The following KIRREL3 variants were observed in gnomAD, a reference collection of about 807,000 sequenced individuals.
KIRREL3 encodes kin of IRRE-like protein 3.
A neutral mutation model predicts 89.7 loss-of-function variants in KIRREL3; 36 were observed. The ratio of observed to expected loss-of-function variants is 0.40; its 90% confidence interval spans 0.31 to 0.53. The LOEUF is 0.53. Ranked by LOEUF, KIRREL3 falls within the 20% of genes least tolerant of loss-of-function variation. The pLI is 0.49. For missense variants in KIRREL3, 864 were observed against 1,056.6 expected (o/e 0.82, Z 2.53); for synonymous variants, 445 against 441.4 (o/e 1.01, Z -0.10).
In KIRREL3 at chr11:126,492,354, AC is replaced by A. The variant is rs1304616489; in HGVS notation, c.434-18889del. ...GAGGTGGATGTGACAAGGTGACATG[AC>A]CCTAAGGCAGGGGGATGGACCTGGT... On this transcript the variant is annotated intron_variant, in intron 4 of 16. Transcript: ENST00000525144. The surrounding 1 kb of genome is among the most constrained non-coding windows in gnomAD (Gnocchi z 4.8). 5.9e-5 allele frequency among the ~76,000 whole-genome samples: 9 copies of A among 152,136 alleles called. No homozygotes were observed. In the East Asian group the frequency reaches 1.8e-3, roughly 30 times the overall value.
At position 126,715,250 on chromosome 11, in the gene KIRREL3, T is replaced by C. The variant is rs1947912310; in HGVS notation, c.56-152338A>G. On this transcript the variant is annotated intron_variant, in intron 1 of 16. Coordinates refer to ENST00000525144, the MANE Select transcript of KIRREL3 (RefSeq NM_032531.4). The surrounding 1 kb of genome is among the most constrained non-coding windows in gnomAD (Gnocchi z 4.4). ...TCTTGAGCTACTCAGGCTATCCCCA[T>C]CTATTTTGTGGGGGAAGAAAACTAT... 6.6e-6 allele frequency among the ~76,000 whole-genome samples: 1 copy of C among 152,184 alleles called. No homozygotes were observed. The highest frequency in any genetic ancestry group is 2.4e-5 in the African/African-American group (1 of 41,446).
intron 2 of KIRREL3, among the ~76,000 whole-genome samples, chr11:126,532,596 G>A (rs12273645): frequency 0.015 from 2,240 of 152,136 alleles, 56 homozygotes; most frequent in African/African-American, 0.051. Context: ...GACTGGTGTC[G>A]AACTCCTGAC....
At chr11:126,644,161 A>G (rs1367706343) in intron 1 of KIRREL3, among the ~76,000 whole-genome samples, 2 of 152,224 alleles carry the variant, frequency 1.3e-5, no homozygotes, top group East Asian at 1.9e-4. Flanking sequence ...GGGGACTAGC[A>G]TGGTAGATTG....
Position 126,948,219 on chromosome 11 carries a change from A to T in KIRREL3, c.55+52236T>A, listed in dbSNP as rs552109155. Among the ~76,000 whole-genome samples, 2 of 152,296 alleles carry T rather than the reference A, an allele frequency of 1.3e-5. No homozygotes were observed. The highest frequency in any genetic ancestry group is 4.8e-5 in the African/African-American group (2 of 41,558). On this transcript the variant is annotated intron_variant, in intron 1 of 16. Transcript: ENST00000525144. This position sits in a 1 kb window ranked among gnomAD's most constrained non-coding sequence, Gnocchi z 4.5. ...CTTGATGTCTTTCTCCTTTGATTTA[A>T]TAAGAAACCAATTCTATATTATTGA...
rs1188511367 is a variant in KIRREL3, at chr11:126,530,362, G to A, written c.134-3675C>T. Among the ~76,000 whole-genome samples the A allele has an allele frequency of 6.6e-6, 1 of 152,156 alleles. No homozygotes were observed. The highest frequency in any genetic ancestry group is 1.5e-5 in the Non-Finnish European group (1 of 68,028). ...AGCCTCCTGAAGTGCTGGGATTACA[G>A]GCATGAGCCACCATGCCTGGCCTCT... On this transcript the variant is annotated intron_variant, in intron 2 of 16. Coordinates refer to ENST00000525144, the MANE Select transcript of KIRREL3 (RefSeq NM_032531.4). This position sits in a 1 kb window ranked among gnomAD's most constrained non-coding sequence, Gnocchi z 5.8.
Position 126,607,379 on chromosome 11 carries a change from T to C in KIRREL3, c.56-44467A>G, listed in dbSNP as rs143751866. On this transcript the variant is annotated intron_variant, in intron 1 of 16. Transcript: ENST00000525144. The surrounding 1 kb of genome is among the most constrained non-coding windows in gnomAD (Gnocchi z 6.6). ...TAATGTGAATATGAGTACTCTTGGC[T>C]GGGAGAGGAAGGGCTGGAGGAGAGA... 4.6e-5 allele frequency among the ~76,000 whole-genome samples: 7 copies of C among 152,162 alleles called. No individual in the cohort carries two copies. Among genetic ancestry groups the C allele is most frequent in the Non-Finnish European group, 8.8e-5 (6 of 68,008 alleles).
At position 126,528,474 on chromosome 11, in the gene KIRREL3, G is replaced by A. The variant is rs1958832444; in HGVS notation, c.134-1787C>T. Among the ~76,000 whole-genome samples the A allele has an allele frequency of 6.6e-6, 1 of 152,222 alleles. No homozygotes were observed. Among genetic ancestry groups the A allele is most frequent in the Admixed American group, 6.5e-5 (1 of 15,286 alleles). ...ACAGTGGAGAGCTGGGGACAGGCAG[G>A]AAGGTGGCCGAGTTCACAACCTGAC... On this transcript the variant is annotated intron_variant, in intron 2 of 16. Transcript: ENST00000525144. This position sits in a 1 kb window ranked among gnomAD's most constrained non-coding sequence, Gnocchi z 4.6.
At chr11:126,590,460 T>C (rs1007647486) in intron 1 of KIRREL3, among the ~76,000 whole-genome samples, 1 of 152,204 alleles carries the variant, frequency 6.6e-6, no homozygotes, top group Non-Finnish European at 1.5e-5. Context: ...GCAGACCTTT[T>C]GTGTGGCTGA....
At chr11:126,821,928 G>A (rs1943240251) in intron 1 of KIRREL3, among the ~76,000 whole-genome samples, 2 of 152,182 alleles carry the variant, frequency 1.3e-5, no homozygotes, top group Non-Finnish European at 2.9e-5. Flanking sequence ...ACACAGCCCT[G>A]CAGACACATT....
rs188250696 is a variant in KIRREL3, at chr11:126,664,880, G to T, written c.56-101968C>A. ...CCTGCCTCAACCACAGGTAGCTGGAGCTCATTCTACAGTGTCCAGAGTGAA... is the reference window on the plus strand; with the variant it reads ...CCTGCCTCAACCACAGGTAGCTGGATCTCATTCTACAGTGTCCAGAGTGAA... On this transcript the variant is annotated intron_variant, in intron 1 of 16. Transcript: ENST00000525144. This position sits in a 1 kb window ranked among gnomAD's most constrained non-coding sequence, Gnocchi z 5.4. Among the ~76,000 whole-genome samples the T allele has an allele frequency of 4.6e-5, 7 of 152,302 alleles. 1 individual carries two copies. Among genetic ancestry groups the T allele is most frequent in the African/African-American group, 1.7e-4 (7 of 41,552 alleles).
intron 6 of KIRREL3, among the ~76,000 whole-genome samples, chr11:126,458,998 A>G (rs1241310828): frequency 6.6e-6 from 1 of 152,136 alleles, no homozygotes; most frequent in African/African-American, 2.4e-5. Context: ...GAACATGGAC[A>G]CTCAGGGAGG....
chr11:126,425,234 G>C (rs1386647787), intron 16 of KIRREL3, among the ~76,000 whole-genome samples: 1 of 152,216 alleles, frequency 6.6e-6, no homozygotes, highest in Non-Finnish European at 1.5e-5. Context: ...GCAGAAGGGG[G>C]ACTGCGGACC....
At position 126,831,213 on chromosome 11, in the gene KIRREL3, A is replaced by G. The variant is rs982723163; in HGVS notation, c.55+169242T>C. Among the ~76,000 whole-genome samples the G allele has an allele frequency of 9.9e-5, 15 of 152,202 alleles. 1 individual carries two copies. Among genetic ancestry groups the G allele is most frequent in the Non-Finnish European group, 2.2e-4 (15 of 68,028 alleles). On this transcript the variant is annotated intron_variant, in intron 1 of 16. Transcript: ENST00000525144. ...CACTGATAGCTGTTGGCTTAGGCTC[A>G]ATTTTGAGGTCACTATTATCCCACC...
rs1217395671 is a variant in KIRREL3 at position 126,742,270 on chromosome 11, G to A, written c.56-179358C>T. Among the ~76,000 whole-genome samples the A allele has an allele frequency of 6.6e-6, 1 of 152,206 alleles. No individual in the cohort carries two copies. Among genetic ancestry groups the A allele is most frequent in the Non-Finnish European group, 1.5e-5 (1 of 68,034 alleles). ...TGGCATTTCTTGAGGATTTCCCAGAGAGTCTTGCTGTCTGTCTGTATGCAA... is the reference window on the plus strand; with the variant it reads ...TGGCATTTCTTGAGGATTTCCCAGAAAGTCTTGCTGTCTGTCTGTATGCAA... On this transcript the variant is annotated intron_variant, in intron 1 of 16. Transcript: ENST00000525144. The surrounding 1 kb of genome is among the most constrained non-coding windows in gnomAD (Gnocchi z 5.3).
At chr11:126,556,314 G>A (rs746309541) in intron 2 of KIRREL3, among the ~76,000 whole-genome samples, 5 of 152,080 alleles carry the variant, frequency 3.3e-5, no homozygotes, top group South Asian at 2.1e-4. Context: ...ACTTGCTGAG[G>A]ACTGGATATG....
rs1177075605 is a variant in KIRREL3, at chr11:126,578,494, T to C, written c.56-15582A>G. 6.6e-6 allele frequency among the ~76,000 whole-genome samples: 1 copy of C among 152,096 alleles called. No homozygotes were observed. Among genetic ancestry groups the C allele is most frequent in the African/African-American group, 2.4e-5 (1 of 41,416 alleles). ...AGAGCGGGAGTGTGGATTGTGCACA[T>C]AGGTGGGGACGGGGTGAGAACTTGG... On this transcript the variant is annotated intron_variant, in intron 1 of 16. Coordinates refer to ENST00000525144, the MANE Select transcript of KIRREL3 (RefSeq NM_032531.4). The surrounding 1 kb of genome is among the most constrained non-coding windows in gnomAD (Gnocchi z 4.9).
intron 1 of KIRREL3, among the ~76,000 whole-genome samples, chr11:126,853,329 C>T (rs1052397920): frequency 1.3e-5 from 2 of 152,260 alleles, no homozygotes; most frequent in East Asian, 1.9e-4. Context: ...GGAATTTTAT[C>T]GATTCTATGA....
At chr11:126,658,634 C>G (rs1033515810) in intron 1 of KIRREL3, among the ~76,000 whole-genome samples, 1 of 152,200 alleles carries the variant, frequency 6.6e-6, no homozygotes, top group Admixed American at 6.5e-5. Context: ...ATTACTGACT[C>G]GGAGAGCTTT....
chr11:126,888,306 G>T lies in KIRREL3; in HGVS notation c.55+112149C>A, dbSNP rs930221983. Among the ~76,000 whole-genome samples, 5 of 152,272 alleles carry T rather than the reference G, an allele frequency of 3.3e-5. No homozygotes were observed. The South Asian group carries it at 1.0e-3, about 32-fold the overall frequency. Reference sequence around the variant, plus strand: ...TGGGGCCTAGAGGAGTCTTTGAAGTGAGGGAGCTCAGTTCAGCTCTTCTAC... The same window carrying T: ...TGGGGCCTAGAGGAGTCTTTGAAGTTAGGGAGCTCAGTTCAGCTCTTCTAC... On this transcript the variant is annotated intron_variant, in intron 1 of 16. Coordinates refer to ENST00000525144, the MANE Select transcript of KIRREL3 (RefSeq NM_032531.4).
Sources: gnomAD v4.1 joint callset for allele counts (sites outside exome capture counted in the v4.1 genomes callset) on GRCh38, gnomAD v4.1.1 for gene constraint, Gnocchi (gnomAD v3.1) non-coding constraint, MANE v1.5 for transcripts, NCBI Gene and HGNC (gene_info 2026-07-23, HGNC 2026-07-21) for gene names.